Variants in MLLT3 observed in about 807,000 individuals in gnomAD.
MLLT3 encodes protein AF-9.
Under a neutral mutation model 53.2 loss-of-function variants are expected in MLLT3, and 4 were observed. The observed-to-expected ratio is 0.08, with a 90% confidence interval of 0.04 to 0.17. The LOEUF (loss-of-function observed/expected upper bound fraction) is 0.17, where lower values mean the gene tolerates loss of function less well. Among genes scored for constraint, MLLT3 ranks in the 10% least tolerant of loss-of-function variants. MLLT3 has a pLI of 1.00. For synonymous variants in MLLT3, 283 were observed against 230.6 expected (o/e 1.23, Z -2.06); for missense variants, 569 against 684.0 (o/e 0.83, Z 1.87).
In MLLT3 at chr9:20,343,344, AT is replaced by A. The variant is rs1011018531; in HGVS notation, c.*3098del. The A allele has an allele frequency of 4.8e-6, 1 of 209,452 alleles. No individual in the cohort carries two copies. Among genetic ancestry groups the A allele is most frequent in the Non-Finnish European group, 9.7e-6 (1 of 103,212 alleles). The allele number at this position is 209,452 out of a possible 1,614,324, so 13.0% of individuals were successfully genotyped here. A position where few individuals can be genotyped will look rare whatever the true frequency, so the allele number is the denominator to read the frequency against. On this transcript the variant is annotated 3_prime_UTR_variant, in exon 11 of 11. Coordinates refer to ENST00000380338, the MANE Select transcript of MLLT3 (RefSeq NM_004529.4). ...TGTTTAAGACACTCTCTTAAGAGAT[AT>A]TTTTTTCCTGATCTGAAGTTTTTAT...
In MLLT3 at chr9:20,620,567, G is replaced by A. The variant is rs1282838966; in HGVS notation, c.193+87C>T. On this transcript the variant is annotated intron_variant, in intron 2 of 10. Transcript: ENST00000380338. The surrounding 1 kb of genome is among the most constrained non-coding windows in gnomAD (Gnocchi z 6.1). ...TACGCCGGCGAGCGCGGCGCGGGGG[G>A]CGGGGAGCGGGACAGCGGGACCGCC... The A allele has an allele frequency of 1.7e-5, 21 of 1,211,722 alleles. No individual in the cohort carries two copies. Among genetic ancestry groups the A allele is most frequent in the Admixed American group, 3.0e-5 (1 of 33,720 alleles). 75.1% of individuals were successfully genotyped at this position (1,211,722 alleles called of 1,614,324 possible).
At chr9:20,538,721 C>T (rs1818548520) in intron 2 of MLLT3, among the ~76,000 whole-genome samples, 1 of 152,064 alleles carries the variant, frequency 6.6e-6, no homozygotes, top group Non-Finnish European at 1.5e-5. Flanking sequence ...TTAAACATTC[C>T]TATTTAGTCC....
rs532699592 is a variant in MLLT3 at position 20,450,667 on chromosome 9, A to C, written c.277-2401T>G. ...AGTTAATGCAAACTCATTATTCAAG[A>C]CCCAGCTAAAGCATTAATTCCTCTG... On this transcript the variant is annotated intron_variant, in intron 3 of 10. Coordinates refer to ENST00000380338, the MANE Select transcript of MLLT3 (RefSeq NM_004529.4). 7.9e-5 allele frequency among the ~76,000 whole-genome samples: 12 copies of C among 152,278 alleles called. No individual in the cohort carries two copies. The South Asian group carries it at 1.2e-3, about 16-fold the overall frequency.
At chr9:20,508,064 T>C (rs1012722800) in intron 2 of MLLT3, among the ~76,000 whole-genome samples, 2 of 152,236 alleles carry the variant, frequency 1.3e-5, no homozygotes, top group Non-Finnish European at 2.9e-5. Context: ...TCTATTTCAA[T>C]GCATCACAAT....
At chr9:20,450,431 G>C (rs997149598) in intron 3 of MLLT3, among the ~76,000 whole-genome samples, 1 of 152,150 alleles carries the variant, frequency 6.6e-6, no homozygotes, top group African/African-American at 2.4e-5. Context: ...ATTTTCTGCA[G>C]TAAAATCCCA....
At chr9:20,521,590 T>C (rs1818060327) in intron 2 of MLLT3, among the ~76,000 whole-genome samples, 1 of 152,014 alleles carries the variant, frequency 6.6e-6, no homozygotes, top group South Asian at 2.1e-4. Flanking sequence ...TGGCTTTTGA[T>C]TCATTACCAC....
chr9:20,587,589 A>T (rs1394519191), intron 2 of MLLT3, among the ~76,000 whole-genome samples: 1 of 152,248 alleles, frequency 6.6e-6, no homozygotes, highest in Non-Finnish European at 1.5e-5. Context: ...GTGGCTTTCA[A>T]ATACAGAGAA....
At chr9:20,379,137 C>T (rs1821847984) in intron 5 of MLLT3, among the ~76,000 whole-genome samples, 1 of 152,032 alleles carries the variant, frequency 6.6e-6, no homozygotes, top group Admixed American at 6.6e-5. Context: ...GGTAACAGAA[C>T]GTTTCTCTTC....
chr9:20,588,507 TTTTATTTCCTTG>T (rs1426592652), intron 2 of MLLT3, among the ~76,000 whole-genome samples: 4 of 152,220 alleles, frequency 2.6e-5, no homozygotes, highest in Non-Finnish European at 5.9e-5. Flanking sequence ...TTGTAACCCC[TTTTATTTCCTTG>T]AGCAGCGGTT....
chr9:20,398,233 G>A (rs1421811795), intron 5 of MLLT3, among the ~76,000 whole-genome samples: 1 of 151,948 alleles, frequency 6.6e-6, no homozygotes. Context: ...CAGCTGGTGT[G>A]TGCCACCACA....
At chr9:20,622,161 G>A (rs1300213209) in intron 1 of MLLT3, 84 bp downstream of exon 1, 4 of 1,425,570 alleles carry the variant, frequency 2.8e-6, no homozygotes, top group South Asian at 1.2e-5. Flanking sequence ...ACCGCGGAGC[G>A]CTGGCGCTGT....
chr9:20,451,037 G>T (rs79467030), intron 3 of MLLT3, among the ~76,000 whole-genome samples: 1,770 of 152,226 alleles, frequency 0.012, 33 homozygotes, highest in African/African-American at 0.039. Context: ...GTTCATGGTA[G>T]CATTGCTTAG....
At chr9:20,613,180 T>C (rs1481084761) in intron 2 of MLLT3, among the ~76,000 whole-genome samples, 2 of 152,190 alleles carry the variant, frequency 1.3e-5, no homozygotes, top group Non-Finnish European at 2.9e-5. Context: ...TGCAAATGTA[T>C]TCACTCATAA....
chr9:20,423,701 C>T (rs1375796173), intron 4 of MLLT3, among the ~76,000 whole-genome samples: 1 of 151,452 alleles, frequency 6.6e-6, no homozygotes, highest in Non-Finnish European at 1.5e-5. Context: ...GTAGTCCCAG[C>T]TACTCAGGAG....
At chr9:20,416,337 TA>T (rs1225319190) in intron 4 of MLLT3, among the ~76,000 whole-genome samples, 1 of 152,090 alleles carries the variant, frequency 6.6e-6, no homozygotes, top group Non-Finnish European at 1.5e-5. Flanking sequence ...ATTATACACA[TA>T]TTTTGTAAAT....
intron 2 of MLLT3, among the ~76,000 whole-genome samples, chr9:20,584,784 G>C (rs1024944812): frequency 6.6e-6 from 1 of 152,152 alleles, no homozygotes; most frequent in East Asian, 1.9e-4. Context: ...GATTTGGGTG[G>C]GGGCACAGCC....
intron 2 of MLLT3, among the ~76,000 whole-genome samples, chr9:20,465,575 T>C (rs1824218524): frequency 6.6e-6 from 1 of 151,866 alleles, no homozygotes; most frequent in South Asian, 2.1e-4. Flanking sequence ...CATTTCTGAG[T>C]TTTAAAAAAT....
At chr9:20,456,297 G>A (rs1297729374) in intron 3 of MLLT3, among the ~76,000 whole-genome samples, 2 of 152,190 alleles carry the variant, frequency 1.3e-5, no homozygotes, top group South Asian at 2.1e-4. Context: ...CTATATACAT[G>A]TATGGTGTGG....
Position 20,622,457 on chromosome 9 carries a change from AAGCAGCAGCAGC to A in MLLT3, c.-213_-202del, listed in dbSNP as rs553374979. ...TTATTAAACTCAGCCCCAAAAGCAA[AAGCAGCAGCAGC>A]AGCAGCAGCTCCAGGGTAAAGAAGA... On this transcript the variant is annotated 5_prime_UTR_variant, in exon 1 of 11. Transcript: ENST00000380338. The A allele has an allele frequency of 1.9e-6, 1 of 534,102 alleles. No homozygotes were observed. The highest frequency in any genetic ancestry group is 2.0e-5 in the African/African-American group (1 of 50,652). 33.1% of individuals were successfully genotyped at this position (534,102 alleles called of 1,614,324 possible). A position where few individuals can be genotyped will look rare whatever the true frequency, so the allele number is the denominator to read the frequency against.
Sources: gnomAD v4.1 joint callset for allele counts (sites outside exome capture counted in the v4.1 genomes callset) on GRCh38, gnomAD v4.1.1 for gene constraint, Gnocchi (gnomAD v3.1) non-coding constraint, MANE v1.5 for transcripts, NCBI Gene and HGNC (gene_info 2026-07-23, HGNC 2026-07-21) for gene names.